The following RGSL1 variants were observed in gnomAD, a reference collection of about 807,000 sequenced individuals.
RGSL1 encodes regulator of G protein signaling protein-like.
RGSL1 carries 97 observed loss-of-function variants against 124.7 expected under a neutral mutation model. The ratio of observed to expected loss-of-function variants is 0.78; its 90% confidence interval spans 0.66 to 0.92. RGSL1 has a LOEUF of 0.92. RGSL1 is among the 40% of genes least tolerant of loss of function. The pLI, the probability that RGSL1 is intolerant of heterozygous loss-of-function variation, is 0.00. For synonymous variants in RGSL1, 424 were observed against 438.1 expected (o/e 0.97, Z 0.40); for missense variants, 1,233 against 1,288.4 (o/e 0.96, Z 0.66).
chr1:182,451,043 G>T (rs530810946), intron 1 of RGSL1, among the ~76,000 whole-genome samples: 1 of 151,626 alleles, frequency 6.6e-6, no homozygotes, highest in African/African-American at 2.4e-5. Context: ...CTACTGGAGA[G>T]GTTGAGACAC....
chr1:182,530,571 GT>G (rs1427901805), intron 12 of RGSL1, among the ~76,000 whole-genome samples: 1 of 91,470 alleles, frequency 1.1e-5, no homozygotes, highest in East Asian at 3.0e-4. Flanking sequence ...ACACATTTCT[GT>G]TTGTTTGCAT....
chr1:182,474,077 T>C lies in RGSL1; in HGVS notation c.966T>C (p.Asn322=). 6.4e-7 allele frequency: 1 copy of C among 1,551,738 alleles called. No individual in the cohort carries two copies. The highest frequency in any genetic ancestry group is 8.7e-7 in the Non-Finnish European group (1 of 1,146,978). The part of the protein sequence containing the change: ...MHYAKISSME[N]KAKSHLHMEA... Reference sequence around the variant, plus strand: ...ATGCAAAAATATCCAGCATGGAGAATAAAGCCAAGAGCCACCTCCACATGG... The same window carrying C: ...ATGCAAAAATATCCAGCATGGAGAACAAAGCCAAGAGCCACCTCCACATGG... The change falls in exon 6 of 22, where the codon AAT becomes AAC. Residue 322 remains asparagine, a synonymous_variant. Coordinates refer to ENST00000294854, the MANE Select transcript of RGSL1 (RefSeq NM_001137669.2).
intron 9 of RGSL1, among the ~76,000 whole-genome samples, chr1:182,515,511 G>A (rs1657800009): frequency 7.2e-6 from 1 of 138,542 alleles, no homozygotes; most frequent in South Asian, 2.4e-4. Flanking sequence ...AGTGCATGGG[G>A]GAAGGAAAGA....
At chr1:182,518,917 C>A (rs190634076) in intron 9 of RGSL1, among the ~76,000 whole-genome samples, 1 of 151,996 alleles carries the variant, frequency 6.6e-6, no homozygotes, top group South Asian at 2.1e-4. Flanking sequence ...TCCTTCCATG[C>A]TGCCATTTTG....
intron 10 of RGSL1, among the ~76,000 whole-genome samples, chr1:182,527,239 A>G (rs1658813613): frequency 6.6e-6 from 1 of 152,198 alleles, no homozygotes; most frequent in African/African-American, 2.4e-5. Flanking sequence ...AAAACTGCTA[A>G]TCATGCTCCA....
At chr1:182,551,654 A>G (rs1428495727) in intron 18 of RGSL1, among the ~76,000 whole-genome samples, 1 of 152,224 alleles carries the variant, frequency 6.6e-6, no homozygotes, top group African/African-American at 2.4e-5. Context: ...ATGAAAGCAG[A>G]CATATATATG....
chr1:182,516,306 C>T (rs1490294968), intron 9 of RGSL1, among the ~76,000 whole-genome samples: 1 of 152,182 alleles, frequency 6.6e-6, no homozygotes, highest in Non-Finnish European at 1.5e-5. Context: ...CCTCTTCTAC[C>T]CAGTATTTCC....
intron 9 of RGSL1, among the ~76,000 whole-genome samples, chr1:182,509,636 C>A (rs1443196014): frequency 1.5e-5 from 2 of 131,426 alleles, no homozygotes; most frequent in Middle Eastern, 4.8e-3. Flanking sequence ...CGCCCCTCAC[C>A]TCCCGGACGG....
chr1:182,471,029 G>C (rs1440964165), intron 4 of RGSL1, among the ~76,000 whole-genome samples: 3 of 152,198 alleles, frequency 2.0e-5, no homozygotes, highest in African/African-American at 4.8e-5. Context: ...CTGCAGAAGG[G>C]AAGGGGCTTT....
At chr1:182,476,481 C>A (rs988311751) in intron 6 of RGSL1, among the ~76,000 whole-genome samples, 2 of 152,154 alleles carry the variant, frequency 1.3e-5, no homozygotes, top group East Asian at 1.9e-4. Flanking sequence ...TCCTTTCCAC[C>A]GTTGTTACAA....
At chr1:182,553,119 G>T (rs1419725825) in intron 18 of RGSL1, among the ~76,000 whole-genome samples, 1 of 152,076 alleles carries the variant, frequency 6.6e-6, no homozygotes. Context: ...GGTCAGGCTG[G>T]TCTCAAACTC....
chr1:182,455,301 G>A (rs960629946), intron 2 of RGSL1, among the ~76,000 whole-genome samples: 4 of 152,210 alleles, frequency 2.6e-5, no homozygotes, highest in African/African-American at 4.8e-5. Context: ...ATAGGAGGAG[G>A]CGGGGCACGG....
rs1322800598 is a variant in RGSL1, at chr1:182,556,134, A to ATG, written c.*78_*79dup. 1 of 1,388,966 alleles carries ATG rather than the reference A, an allele frequency of 7.2e-7. No individual in the cohort carries two copies. The highest frequency in any genetic ancestry group is 9.9e-7 in the Non-Finnish European group (1 of 1,009,788). The allele number at this position is 1,388,966 out of a possible 1,614,324, so 86.0% of individuals were successfully genotyped here. The stretch of plus-strand genomic sequence containing the variant: ...CTGACAGAAACTTTTCTGGTCAAAA[A>ATG]TGAAAGGTCCTGGTACCATCTTCCC... On this transcript the variant is annotated 3_prime_UTR_variant, in exon 21 of 22. Coordinates refer to ENST00000294854, the MANE Select transcript of RGSL1 (RefSeq NM_001137669.2).
intron 21 of RGSL1, among the ~76,000 whole-genome samples, chr1:182,559,855 C>T (rs1400812076): frequency 6.6e-6 from 1 of 152,176 alleles, no homozygotes; most frequent in Non-Finnish European, 1.5e-5. Context: ...CTCTTAGTTT[C>T]TGAGACACAT....
At chr1:182,451,982 C>T (rs1309302095) in intron 1 of RGSL1, among the ~76,000 whole-genome samples, 1 of 151,508 alleles carries the variant, frequency 6.6e-6, no homozygotes, top group East Asian at 1.9e-4. Flanking sequence ...AGAGAGAGAA[C>T]AAGAGAGTAA....
intron 15 of RGSL1, among the ~76,000 whole-genome samples, chr1:182,547,590 G>A (rs984216217): frequency 2.0e-5 from 3 of 152,278 alleles, no homozygotes; most frequent in Middle Eastern, 3.4e-3. Flanking sequence ...AGCAGGGTGC[G>A]GTGGCTCATG....
intron 19 of RGSL1, 42 bp from the exon 20 acceptor site, chr1:182,554,585 G>T (rs1339791077): frequency 1.3e-6 from 2 of 1,532,486 alleles, no homozygotes; most frequent in East Asian, 4.9e-5. Flanking sequence ...CTGCGTCTAT[G>T]TCATGAGTCC....
chr1:182,520,393 A>T (rs887134785), intron 9 of RGSL1, among the ~76,000 whole-genome samples: 4 of 152,080 alleles, frequency 2.6e-5, no homozygotes, highest in Admixed American at 6.6e-5. Flanking sequence ...CCCAGTAGCA[A>T]TTTGTTTACA....
chr1:182,483,286 A>G (rs1654848639), intron 6 of RGSL1, among the ~76,000 whole-genome samples: 1 of 152,104 alleles, frequency 6.6e-6, no homozygotes, highest in South Asian at 2.1e-4. Context: ...AACAAAACCA[A>G]AGGGAACAGG....
Sources: allele counts gnomAD v4.1 joint callset (sites outside exome capture counted in the v4.1 genomes callset), GRCh38; gene constraint gnomAD v4.1.1; transcripts MANE v1.5; gene names NCBI Gene and HGNC (gene_info 2026-07-23, HGNC 2026-07-21).